Variants in ATRNL1 observed in about 807,000 individuals in gnomAD.
The protein encoded by ATRNL1 is attractin-like protein 1.
In ATRNL1, 95 loss-of-function variants were observed where a neutral mutation model predicts 182.7. That is an observed-to-expected ratio of 0.52 (90% CI 0.44 to 0.62). The LOEUF (loss-of-function observed/expected upper bound fraction) is 0.62, where lower values mean the gene tolerates loss of function less well. ATRNL1 is among the 20% of genes least tolerant of loss of function. The pLI is 0.00. For missense variants in ATRNL1, 1,471 were observed against 1,679.5 expected (o/e 0.88, Z 2.17); for synonymous variants, 576 against 568.3 (o/e 1.01, Z -0.19).
intron 26 of ATRNL1, among the ~76,000 whole-genome samples, chr10:115,673,530 G>A (rs2133933607): frequency 6.6e-6 from 1 of 152,102 alleles, no homozygotes; most frequent in South Asian, 2.1e-4. Context: ...TTGGAATGGT[G>A]GGAGAGACAC....
chr10:115,104,306 T>A (rs1266758671), intron 1 of ATRNL1, among the ~76,000 whole-genome samples: 1 of 152,226 alleles, frequency 6.6e-6, no homozygotes, highest in Non-Finnish European at 1.5e-5. Context: ...ATGTTGAGCA[T>A]CTTTTTATTT....
rs564481352 is a variant in ATRNL1, at chr10:115,587,867, C to A, written c.3795+38331C>A. On this transcript the variant is annotated intron_variant, in intron 26 of 28. Transcript: ENST00000355044. ...CTATTAAAATAACAAAGTTTATCTT[C>A]CAAACCAGTAGAGAAAACAAATAGA... is the stretch of plus-strand genomic sequence containing the variant. 2.8e-4 allele frequency among the ~76,000 whole-genome samples: 43 copies of A among 151,616 alleles called. 1 individual carries two copies. In the South Asian group the frequency reaches 7.9e-3, roughly 28 times the overall value.
intron 28 of ATRNL1, among the ~76,000 whole-genome samples, chr10:115,855,872 C>A (rs1951168528): frequency 6.6e-6 from 1 of 152,092 alleles, no homozygotes; most frequent in Non-Finnish European, 1.5e-5. Context: ...TTTATATTTC[C>A]AATGTAGCAT....
At chr10:115,666,234 G>A (rs1182566949) in intron 26 of ATRNL1, among the ~76,000 whole-genome samples, 3 of 152,074 alleles carry the variant, frequency 2.0e-5, no homozygotes. Flanking sequence ...GTCGTCCAAG[G>A]TTTGAAAAAC....
At chr10:115,530,206 G>C (rs1554987798) in intron 25 of ATRNL1, among the ~76,000 whole-genome samples, 1 of 151,980 alleles carries the variant, frequency 6.6e-6, no homozygotes, top group African/African-American at 2.4e-5. Context: ...GTTTTTATGT[G>C]GATATATATT....
chr10:115,872,274 A>T (rs1161059985), intron 28 of ATRNL1, among the ~76,000 whole-genome samples: 1 of 152,192 alleles, frequency 6.6e-6, no homozygotes, highest in African/African-American at 2.4e-5. Flanking sequence ...GTTCAGGAAT[A>T]TGTTGACAGA....
intron 26 of ATRNL1, among the ~76,000 whole-genome samples, chr10:115,634,126 C>T (rs1443170373): frequency 6.6e-6 from 1 of 152,030 alleles, no homozygotes; most frequent in Non-Finnish European, 1.5e-5. Flanking sequence ...AAATTAGCGT[C>T]TGTGGAAAAA....
intron 27 of ATRNL1, among the ~76,000 whole-genome samples, chr10:115,814,587 A>G (rs988692323): frequency 6.6e-6 from 1 of 152,166 alleles, no homozygotes; most frequent in Non-Finnish European, 1.5e-5. Context: ...GCGATTGCTC[A>G]CTGGACAAGG....
chr10:115,416,209 C>A (rs1554960852), intron 20 of ATRNL1, among the ~76,000 whole-genome samples: 2 of 152,014 alleles, frequency 1.3e-5, no homozygotes, highest in African/African-American at 4.8e-5. Flanking sequence ...TTTACATCTA[C>A]TTTTGTCTTT....
intron 8 of ATRNL1, among the ~76,000 whole-genome samples, chr10:115,171,848 C>T (rs890065950): frequency 1.3e-5 from 2 of 151,958 alleles, no homozygotes; most frequent in Non-Finnish European, 2.9e-5. Flanking sequence ...TTTTGTTTTT[C>T]TGGTACTTCA....
intron 26 of ATRNL1, among the ~76,000 whole-genome samples, chr10:115,674,788 A>T (rs1945808692): frequency 6.6e-6 from 1 of 152,126 alleles, no homozygotes; most frequent in Admixed American, 6.6e-5. Context: ...TTTCTAAAAA[A>T]ATGGACTGTA....
intron 27 of ATRNL1, among the ~76,000 whole-genome samples, chr10:115,822,571 A>G (rs939695080): frequency 2.3e-4 from 34 of 147,906 alleles, no homozygotes; most frequent in African/African-American, 7.5e-4. Context: ...AGAATCAAAC[A>G]GACACAATAA....
intron 26 of ATRNL1, among the ~76,000 whole-genome samples, chr10:115,706,434 A>C (rs1946900173): frequency 6.6e-6 from 1 of 151,860 alleles, no homozygotes; most frequent in Admixed American, 6.6e-5. Flanking sequence ...TTGCCATATA[A>C]GGAAACTTGC....
At position 115,101,481 on chromosome 10, in the gene ATRNL1, GT is replaced by G. The variant is rs34714594; in HGVS notation, c.293+7441del. On this transcript the variant is annotated intron_variant, in intron 1 of 28. Coordinates refer to ENST00000355044, the MANE Select transcript of ATRNL1 (RefSeq NM_207303.4). ...TGAGATAATCATATGATTTTTTCAA[GT>G]TTGTTAACATGGTGAATTATGTACA... 8.3e-3 allele frequency among the ~76,000 whole-genome samples: 1,268 copies of G among 152,076 alleles called. 17 individuals are homozygous for G. Among genetic ancestry groups the G allele is most frequent in the African/African-American group, 0.026 (1,063 of 41,502 alleles).
At chr10:115,320,058 T>G (rs1157424955) in intron 18 of ATRNL1, among the ~76,000 whole-genome samples, 1 of 152,180 alleles carries the variant, frequency 6.6e-6, no homozygotes, top group Middle Eastern at 3.2e-3. Context: ...ATTTAGTGCT[T>G]CTTTTAGGAT....
intron 20 of ATRNL1, among the ~76,000 whole-genome samples, chr10:115,401,394 G>A (rs922371773): frequency 6.6e-6 from 1 of 151,952 alleles, no homozygotes; most frequent in Non-Finnish European, 1.5e-5. Flanking sequence ...GGTAGAGAAG[G>A]GCCAAGAGAA....
intron 28 of ATRNL1, among the ~76,000 whole-genome samples, chr10:115,887,114 T>A (rs1267960642): frequency 6.6e-6 from 1 of 152,188 alleles, no homozygotes; most frequent in African/African-American, 2.4e-5. Context: ...CCAGACCAAC[T>A]GAATCAGAAT....
intron 24 of ATRNL1, among the ~76,000 whole-genome samples, chr10:115,471,771 A>G (rs1848323519): frequency 6.6e-6 from 1 of 150,940 alleles, no homozygotes; most frequent in South Asian, 2.1e-4. Context: ...ATCATTTGCA[A>G]ATTTATTTTC....
In ATRNL1 at chr10:115,111,064, A is replaced by G. The variant is rs545016122; in HGVS notation, c.294-9121A>G. Among the ~76,000 whole-genome samples the G allele has an allele frequency of 2.6e-5, 4 of 152,330 alleles. 1 individual carries two copies. In the South Asian group the frequency reaches 6.2e-4, roughly 24 times the overall value. On this transcript the variant is annotated intron_variant, in intron 1 of 28. Coordinates refer to ENST00000355044, the MANE Select transcript of ATRNL1 (RefSeq NM_207303.4). ...GAGCCAAAAAGTGAATAGGAGAACT[A>G]TTTTACAGATAGCATAAAGTTATGA... is the stretch of plus-strand genomic sequence containing the variant.
Sources: allele counts gnomAD v4.1 joint callset (sites outside exome capture counted in the v4.1 genomes callset), GRCh38; gene constraint gnomAD v4.1.1; transcripts MANE v1.5; gene names NCBI Gene and HGNC (gene_info 2026-07-23, HGNC 2026-07-21).